Variants in NFASC observed in about 807,000 individuals in gnomAD.
NFASC encodes neurofascin, also known as neurofascin homolog.
In NFASC, 43 loss-of-function variants were observed where a neutral mutation model predicts 147.5. That is an observed-to-expected ratio of 0.29 (90% CI 0.23 to 0.38). The LOEUF (loss-of-function observed/expected upper bound fraction) is 0.38. Among genes scored for constraint, NFASC ranks in the 10% least tolerant of loss-of-function variants. The probability of loss-of-function intolerance (pLI) is 1.00; values close to 1 mark genes in which losing one functional copy is unlikely to be tolerated. For missense variants in NFASC, 1,320 were observed against 1,689.0 expected, an observed-to-expected ratio of 0.78 and a Z score of 3.83; for synonymous variants, 622 against 665.5, an observed-to-expected ratio of 0.93 and a Z score of 1.01.
At chr1:204,856,543 A>C (rs1467989148) in intron 1 of NFASC, among the ~76,000 whole-genome samples, 1 of 152,136 alleles carries the variant, frequency 6.6e-6, no homozygotes, top group African/African-American at 2.4e-5. Context: ...TAAAATTAAT[A>C]ATTTTCAAGT....
chr1:204,981,593 A>G (rs1041692146), intron 20 of NFASC, among the ~76,000 whole-genome samples: 3 of 152,240 alleles, frequency 2.0e-5, no homozygotes, highest in Non-Finnish European at 2.9e-5. Flanking sequence ...GTCACAGAAA[A>G]TCTGCATGCT....
chr1:204,881,623 G>T (rs1296622270), intron 1 of NFASC, among the ~76,000 whole-genome samples: 1 of 152,126 alleles, frequency 6.6e-6, no homozygotes, highest in Non-Finnish European at 1.5e-5. Context: ...ATGAGCTTCA[G>T]TCTGATGGGG....
At chr1:204,946,674 G>C (rs1291498483) in intron 3 of NFASC, 2 of 516,122 alleles carry the variant, frequency 3.9e-6, no homozygotes, top group African/African-American at 3.9e-5. Flanking sequence ...GGAAGGTGGT[G>C]GTCATGTACG....
intron 1 of NFASC, among the ~76,000 whole-genome samples, chr1:204,914,180 G>C (rs2088544191): frequency 6.6e-6 from 1 of 152,218 alleles, no homozygotes. Context: ...CAACTGCCCA[G>C]TAGAGAAATG....
intron 24 of NFASC, among the ~76,000 whole-genome samples, chr1:204,992,724 A>G (rs563704909): frequency 6.6e-6 from 1 of 152,204 alleles, no homozygotes; most frequent in Non-Finnish European, 1.5e-5. Flanking sequence ...TGCAAGCTCA[A>G]TGGGGAAGCA....
rs2095213037 is a variant in NFASC at position 204,970,724 on chromosome 1, T to A, written c.1112T>A (p.Met371Lys). Residue 371 changes from methionine to lysine, a missense_variant, in exon 11 of 30, where the codon ATG (methionine) becomes AAG (lysine). By Grantham distance (95) the Met-to-Lys change is moderately conservative. Around this residue, in one of 3 missense-constraint regions of NFASC, gnomAD observed 981 missense variants for 1,289.5 expected, o/e 0.76. Coordinates refer to ENST00000339876, the MANE Select transcript of NFASC (RefSeq NM_001005388.3). ...AACCCCAAACCCACTGTCCAGTGGATGGTGAATGGGGAACCTTTGCAATGT... is the reference window on the plus strand; with the variant it reads ...AACCCCAAACCCACTGTCCAGTGGAAGGTGAATGGGGAACCTTTGCAATGT... ...NGNPKPTVQWMVNGEPLQSAP... is the reference protein window; with the variant it reads ...NGNPKPTVQWKVNGEPLQSAP... The A allele has an allele frequency of 1.9e-6, 3 of 1,614,182 alleles. No individual in the cohort carries two copies. The highest frequency in any genetic ancestry group is 1.1e-5 in the South Asian group (1 of 91,086).
chr1:204,944,809 T>C lies in NFASC; in HGVS notation c.91+403T>C, dbSNP rs2093603130. ...GTGGTGGAGCAGTTCTTACTTGCCTTTCTAATGTCTGATATATTCAAATCC... is the reference window on the plus strand; with the variant it reads ...GTGGTGGAGCAGTTCTTACTTGCCTCTCTAATGTCTGATATATTCAAATCC... On this transcript the variant is annotated intron_variant, in intron 3 of 29. Transcript: ENST00000339876. 1.6e-5 allele frequency: 3 copies of C among 185,164 alleles called. No homozygotes were observed. In the South Asian group the frequency reaches 4.7e-4, roughly 29 times the overall value. The allele number at this position is 185,164 out of a possible 1,614,324, so 11.5% of individuals were successfully genotyped here.
chr1:204,922,664 GT>G (rs2090730363), intron 2 of NFASC, among the ~76,000 whole-genome samples: 1 of 152,148 alleles, frequency 6.6e-6, no homozygotes, highest in African/African-American at 2.4e-5. Context: ...ATTGTAGACT[GT>G]TTTTCTCGCT....
chr1:204,850,142 C>T (rs889835955), intron 1 of NFASC, among the ~76,000 whole-genome samples: 2 of 152,206 alleles, frequency 1.3e-5, no homozygotes, highest in African/African-American at 4.8e-5. Context: ...CAGGTGACCT[C>T]TCTAGGCCTC....
At chr1:204,976,188 T>C (rs6656887) in intron 15 of NFASC, among the ~76,000 whole-genome samples, 20,311 of 150,306 alleles carry the variant, frequency 0.14, 1,698 homozygotes, top group African/African-American at 0.24. Context: ...ACAGCCCCAT[T>C]CTGCTCTGTG....
chr1:205,000,158 T>G (rs1215471669), intron 25 of NFASC: 2 of 152,182 alleles, frequency 1.3e-5, no homozygotes, highest in Non-Finnish European at 2.9e-5. Flanking sequence ...TCGGTGGTGC[T>G]GAGACGCCAA....
rs1319392523 is a variant in NFASC, at chr1:204,975,343, G to A, written c.1631G>A (p.Arg544Gln). The A allele has an allele frequency of 8.1e-6, 13 of 1,614,078 alleles. No homozygotes were observed. The highest frequency in any genetic ancestry group is 3.3e-5 in the South Asian group (3 of 91,086). ...GGCACCACGGTGCAGCTGGAGTGTC[G>A]GGTGAAGCACGACCCCTCCCTGAAA... The part of the protein sequence containing the change: ...RRGTTVQLEC[R>Q]VKHDPSLKLT... Residue 544 changes from arginine (R) to glutamine (Q), a missense_variant, in exon 15 of 30, where the codon CGG becomes CAG. Transcript: ENST00000339876. This position sits in a 1 kb window ranked among gnomAD's most constrained non-coding sequence, Gnocchi z 4.0.
chr1:204,890,532 G>T (rs755788085), intron 1 of NFASC, among the ~76,000 whole-genome samples: 1 of 152,026 alleles, frequency 6.6e-6, no homozygotes, highest in African/African-American at 2.4e-5. Flanking sequence ...TTGAGAAAAA[G>T]GATGCCTGGT....
intron 2 of NFASC, among the ~76,000 whole-genome samples, chr1:204,932,442 G>A (rs1008130982): frequency 2.6e-5 from 4 of 151,852 alleles, no homozygotes; most frequent in Admixed American, 6.6e-5. Flanking sequence ...CTGGCCACTC[G>A]GCACACAGGA....
intron 2 of NFASC, among the ~76,000 whole-genome samples, chr1:204,937,289 A>G (rs1432825305): frequency 6.6e-6 from 1 of 152,184 alleles, no homozygotes; most frequent in Admixed American, 6.5e-5. Flanking sequence ...CAGTCGATGA[A>G]CCTACATGGA....
intron 1 of NFASC, among the ~76,000 whole-genome samples, chr1:204,830,587 TTGTGA>T (rs1300825973): frequency 6.7e-6 from 1 of 150,006 alleles, no homozygotes. Context: ...GTTGTGTGTG[TTGTGA>T]TGTGTGTGTG....
At chr1:205,012,755 T>C (rs1292592244) in intron 28 of NFASC, 42 bp from the exon 29 acceptor site, 2 of 1,457,574 alleles carry the variant, frequency 1.4e-6, no homozygotes, top group African/African-American at 1.4e-5. Flanking sequence ...GGGCATGTAC[T>C]TAATCGTCGT....
At chr1:204,838,714 G>T (rs534517297) in intron 1 of NFASC, among the ~76,000 whole-genome samples, 2 of 152,302 alleles carry the variant, frequency 1.3e-5, no homozygotes, top group African/African-American at 4.8e-5. Flanking sequence ...GCAGAGAAAG[G>T]TTCCCGGTCC....
At chr1:204,896,622 G>A (rs1364523670) in intron 1 of NFASC, among the ~76,000 whole-genome samples, 2 of 152,174 alleles carry the variant, frequency 1.3e-5, no homozygotes, top group Non-Finnish European at 2.9e-5. Flanking sequence ...TCATTTGTTC[G>A]TTTAGTCATC....
Sources: gnomAD v4.1 joint callset for allele counts (sites outside exome capture counted in the v4.1 genomes callset) on GRCh38, gnomAD v4.1.1 for gene constraint, gnomAD v4.1.1 regional missense constraint, Gnocchi (gnomAD v3.1) non-coding constraint, MANE v1.5 for transcripts, NCBI Gene and HGNC (gene_info 2026-07-23, HGNC 2026-07-21) for gene names.